Variants in SAMD4B observed in about 807,000 individuals in gnomAD.
SAMD4B encodes protein Smaug homolog 2.
Under a neutral mutation model 74.5 loss-of-function variants are expected in SAMD4B, and 5 were observed. That is an observed-to-expected ratio of 0.07 (90% CI 0.04 to 0.14). The LOEUF (loss-of-function observed/expected upper bound fraction) is 0.14. SAMD4B is among the 10% of genes least tolerant of loss of function. The pLI is 1.00. For synonymous variants in SAMD4B, 373 were observed against 374.9 expected (o/e 1.00, Z 0.06); for missense variants, 608 against 921.8 (o/e 0.66, Z 4.41).
downstream of SAMD4B, chr19:39,388,888 G>A: frequency 6.2e-7 from 1 of 1,611,622 alleles, no homozygotes; most frequent in Non-Finnish European, 8.5e-7. Context: ...AGGCACTGGG[G>A]TTAGATGGGA....
intron 4 of SAMD4B, among the ~76,000 whole-genome samples, chr19:39,372,025 G>T (rs1200190815): frequency 2.0e-5 from 3 of 152,132 alleles, no homozygotes; most frequent in Admixed American, 2.0e-4. Flanking sequence ...ACCCAGGCAG[G>T]GTGCCTATAA....
Position 39,383,433 on chromosome 19 carries a change from G to T in SAMD4B, c.2057-66G>T. 6.3e-7 allele frequency: 1 copy of T among 1,587,946 alleles called. No homozygotes were observed. The highest frequency in any genetic ancestry group is 8.6e-7 in the Non-Finnish European group (1 of 1,156,166). ...GCCTGACTGGGATGACAGGCTACCTGAGTGCCTTTTCTTGGGCCTCCCTCC... is the reference window on the plus strand; with the variant it reads ...GCCTGACTGGGATGACAGGCTACCTTAGTGCCTTTTCTTGGGCCTCCCTCC... On this transcript the variant is annotated intron_variant, in intron 13 of 13. Transcript: ENST00000610417. The surrounding 1 kb of genome is among the most constrained non-coding windows in gnomAD (Gnocchi z 4.1).
chr19:39,386,666 G>T, downstream of SAMD4B: 9 of 1,598,982 alleles, frequency 5.6e-6, no homozygotes, highest in Non-Finnish European at 7.7e-6. This position sits in a 1 kb window ranked among gnomAD's most constrained non-coding sequence, Gnocchi z 6.1. Context: ...CCCTGCCATG[G>T]GTGCCCTGAG....
At chr19:39,350,972 C>CTTTTG (rs1203520480) in intron 1 of SAMD4B, 1 of 152,120 alleles carries the variant, frequency 6.6e-6, no homozygotes, top group African/African-American at 2.4e-5. Flanking sequence ...GAACCTTTGG[C>CTTTTG]TTTTGTTTTG....
At chr19:39,389,558 C>CG (rs1290725167), downstream of SAMD4B, 9 of 1,613,982 alleles carry the variant, frequency 5.6e-6, no homozygotes, top group Middle Eastern at 1.6e-4. This position sits in a 1 kb window ranked among gnomAD's most constrained non-coding sequence, Gnocchi z 5.3. Flanking sequence ...TAGAGGAGAG[C>CG]GGGGGGCAGG....
At chr19:39,369,079 G>C (rs1282478705) in intron 3 of SAMD4B, 1 of 154,078 alleles carries the variant, frequency 6.5e-6, no homozygotes, top group Non-Finnish European at 1.4e-5. Flanking sequence ...AGAGTAGCAA[G>C]TTTGGCTGAT....
chr19:39,355,517 C>T (rs931464740), intron 2 of SAMD4B, among the ~76,000 whole-genome samples: 1 of 152,126 alleles, frequency 6.6e-6, no homozygotes, highest in African/African-American at 2.4e-5. Context: ...ATGAAGTTCT[C>T]AGTCCGGGGA....
chr19:39,376,053 G>A (rs1290937312), intron 5 of SAMD4B, among the ~76,000 whole-genome samples, 164 bp downstream of exon 5: 1 of 152,148 alleles, frequency 6.6e-6, no homozygotes, highest in African/African-American at 2.4e-5. Flanking sequence ...TAAGCAGAGA[G>A]ACCCCACATC....
chr19:39,359,973 CAGG>C (rs1206631175), intron 3 of SAMD4B: 2 of 152,098 alleles, frequency 1.3e-5, no homozygotes, highest in Admixed American at 6.5e-5. Context: ...ATCACGAGGT[CAGG>C]AGATCGAGAC....
At chr19:39,385,885 TTGGGGG>T, downstream of SAMD4B, 1 of 1,502,538 alleles carries the variant, frequency 6.7e-7, no homozygotes, top group South Asian at 1.2e-5. Flanking sequence ...CAGCAAAGGT[TTGGGGG>T]TGGGGAACAA....
intron 12 of SAMD4B, among the ~76,000 whole-genome samples, chr19:39,381,557 A>G (rs750625070): frequency 3.9e-5 from 6 of 152,174 alleles, no homozygotes; most frequent in Non-Finnish European, 8.8e-5. Flanking sequence ...ACCACACAGG[A>G]ACCAGTGGAC....
chr19:39,386,266 C>T (rs201740690), downstream of SAMD4B: 9 of 1,614,190 alleles, frequency 5.6e-6, no homozygotes, highest in Admixed American at 3.3e-5. This position sits in a 1 kb window ranked among gnomAD's most constrained non-coding sequence, Gnocchi z 6.1. Flanking sequence ...GCCTCATCCT[C>T]GCTGCTCTCG....
intron 7 of SAMD4B, 35 bp from the exon 8 acceptor site, chr19:39,377,450 C>G: frequency 6.7e-7 from 1 of 1,503,176 alleles, no homozygotes; most frequent in East Asian, 2.3e-5. Context: ...ATTGTAGGGT[C>G]TGCATGTGAC....
chr19:39,355,603 A>G (rs1355065426), intron 2 of SAMD4B, among the ~76,000 whole-genome samples: 1 of 152,204 alleles, frequency 6.6e-6, no homozygotes, highest in Non-Finnish European at 1.5e-5. Context: ...ACTGGTTGCA[A>G]GAGAGACAGA....
intron 1 of SAMD4B, among the ~76,000 whole-genome samples, chr19:39,349,240 G>T (rs571666243): frequency 6.6e-5 from 10 of 152,332 alleles, no homozygotes; most frequent in Admixed American, 4.6e-4. Flanking sequence ...TGTCTCAGTT[G>T]TCCACAGAGA....
At chr19:39,385,994 G>A (rs763121201), downstream of SAMD4B, 26 of 1,613,338 alleles carry the variant, frequency 1.6e-5, no homozygotes, top group Admixed American at 2.0e-4. Flanking sequence ...CTGGGACTCA[G>A]TCACTGTCAC....
At chr19:39,387,166 G>A (rs1194646986), downstream of SAMD4B, 3 of 427,576 alleles carry the variant, frequency 7.0e-6, no homozygotes, top group Non-Finnish European at 1.4e-5. Flanking sequence ...TACCTAGGCT[G>A]TAATGGTGTA....
chr19:39,358,559 A>C (rs1408145905), intron 3 of SAMD4B, among the ~76,000 whole-genome samples: 1 of 151,698 alleles, frequency 6.6e-6, no homozygotes, highest in Non-Finnish European at 1.5e-5. Context: ...CAGTTTCCTC[A>C]TCTTAAATTC....
chr19:39,386,780 G>A (rs144362327), downstream of SAMD4B: 19 of 1,613,734 alleles, frequency 1.2e-5, no homozygotes, highest in African/African-American at 1.3e-5. The surrounding 1 kb of genome is among the most constrained non-coding windows in gnomAD (Gnocchi z 6.1). Context: ...GCCTTGGCCC[G>A]GCGCTTACTA....
Sources: gnomAD v4.1 joint callset for allele counts (sites outside exome capture counted in the v4.1 genomes callset) on GRCh38, gnomAD v4.1.1 for gene constraint, Gnocchi (gnomAD v3.1) non-coding constraint, MANE v1.5 for transcripts, NCBI Gene and HGNC (gene_info 2026-07-23, HGNC 2026-07-21) for gene names.